The following SCARB1 variants were observed in gnomAD, a reference collection of about 807,000 sequenced individuals.
SCARB1 encodes scavenger receptor class B member 1.
SCARB1 carries 30 observed loss-of-function variants against 57.2 expected under a neutral mutation model. The observed-to-expected ratio is 0.52, with a 90% CI of 0.39 to 0.71. The LOEUF (loss-of-function observed/expected upper bound fraction) is 0.71. Ranked by LOEUF, SCARB1 falls within the 30% of genes least tolerant of loss-of-function variation. The pLI is 0.00. For missense variants in SCARB1, 543 were observed against 671.2 expected (o/e 0.81, Z 2.11); for synonymous variants, 249 against 268.3 (o/e 0.93, Z 0.70).
chr12:124,840,430 C>A (rs967559542), intron 1 of SCARB1, among the ~76,000 whole-genome samples: 1 of 152,190 alleles, frequency 6.6e-6, no homozygotes, highest in African/African-American at 2.4e-5. Context: ...CCCACCTTGG[C>A]CTCCCAAAGT....
chr12:124,817,567 G>C lies in SCARB1; in HGVS notation c.267C>G (p.Arg89=). 1 of 1,614,016 alleles carries C rather than the reference G, an allele frequency of 6.2e-7. No homozygotes were observed. The highest frequency in any genetic ancestry group is 8.5e-7 in the Non-Finnish European group (1 of 1,180,010). The change falls in exon 2 of 13, where the codon CGC becomes CGG. Residue 89 remains arginine, a synonymous_variant. Transcript: ENST00000261693. This position sits in a 1 kb window ranked among gnomAD's most constrained non-coding sequence, Gnocchi z 4.8. ...LKGEKPQVRE[R]GPYVYREFRH... ...AGCCTCACCTGTACACGTAGGGCCC[G>C]CGCTCCCGCACCTGCGGCTTCTCGC...
At chr12:124,790,772 G>A (rs76515751) in intron 9 of SCARB1, among the ~76,000 whole-genome samples, 5,177 of 152,262 alleles carry the variant, frequency 0.034, 291 homozygotes, top group African/African-American at 0.12. Flanking sequence ...ACACTCAAGC[G>A]TCGCTGCCTG....
chr12:124,794,400 CTTTT>C (rs3043265), intron 9 of SCARB1, among the ~76,000 whole-genome samples: 3 of 119,908 alleles, frequency 2.5e-5, no homozygotes, highest in Admixed American at 1.9e-4. Context: ...TTGAAAAATT[CTTTT>C]TTTTTTTTTT....
intron 1 of SCARB1, among the ~76,000 whole-genome samples, chr12:124,846,468 T>C (rs1027402249): frequency 6.6e-6 from 1 of 151,900 alleles, no homozygotes; most frequent in African/African-American, 2.4e-5. Flanking sequence ...ACAGATGAAC[T>C]GGCCGGGCGT....
At position 124,853,390 on chromosome 12, in the gene SCARB1, G is replaced by GT. The variant is rs757246980; in HGVS notation, c.126+10204dup. On this transcript the variant is annotated intron_variant, in intron 1 of 12. Coordinates refer to ENST00000261693, the MANE Select transcript of SCARB1 (RefSeq NM_005505.5). ...GAAATGATCCAGTTTGCATAGTTTT[G>GT]TTTTTTTTTTTTTTTTTTTTGGGAG... is the stretch of plus-strand genomic sequence containing the variant. Among the ~76,000 whole-genome samples, 371 of 122,514 alleles carry GT rather than the reference G, an allele frequency of 3.0e-3. 1 individual carries two copies. The highest frequency in any genetic ancestry group is 5.7e-3 in the East Asian group (23 of 4,066). 80.4% of individuals were successfully genotyped at this position (122,514 alleles called of 152,430 possible).
At chr12:124,803,045 C>T in intron 7 of SCARB1, among the ~76,000 whole-genome samples, 1 of 152,224 alleles carries the variant, frequency 6.6e-6, no homozygotes, top group Non-Finnish European at 1.5e-5. Context: ...AGAGGAGGGG[C>T]TGCTACCACC....
At chr12:124,862,748 TC>T (rs1952950180) in intron 1 of SCARB1, among the ~76,000 whole-genome samples, 1 of 133,756 alleles carries the variant, frequency 7.5e-6, no homozygotes, top group Non-Finnish European at 1.7e-5. Flanking sequence ...CTCTGCAATC[TC>T]CCAGCCCTTC....
intron 1 of SCARB1, among the ~76,000 whole-genome samples, chr12:124,842,238 C>T (rs1019303473): frequency 3.9e-5 from 6 of 152,254 alleles, no homozygotes; most frequent in African/African-American, 1.4e-4. Flanking sequence ...GCCAGTGCTG[C>T]CTCTGGCCCA....
intron 9 of SCARB1, among the ~76,000 whole-genome samples, chr12:124,787,925 A>T (rs1283599399): frequency 2.0e-5 from 3 of 152,212 alleles, no homozygotes; most frequent in South Asian, 2.1e-4. Flanking sequence ...CCATGTTCAC[A>T]TAACTTTTAT....
At chr12:124,857,422 C>T (rs1020632423) in intron 1 of SCARB1, among the ~76,000 whole-genome samples, 6 of 152,208 alleles carry the variant, frequency 3.9e-5, no homozygotes, top group East Asian at 3.9e-4. Context: ...CAGGGACAGC[C>T]GGTGACATCC....
At chr12:124,811,526 G>A (rs367610838) in intron 5 of SCARB1, among the ~76,000 whole-genome samples, 3 of 152,084 alleles carry the variant, frequency 2.0e-5, no homozygotes, top group East Asian at 1.9e-4. Context: ...CCCCCACCTC[G>A]GCCTCCCAAA....
At chr12:124,858,874 G>A (rs187598336) in intron 1 of SCARB1, among the ~76,000 whole-genome samples, 140 of 149,004 alleles carry the variant, frequency 9.4e-4, no homozygotes, top group African/African-American at 3.4e-3. Flanking sequence ...GCCAGACTCC[G>A]TCTCAAAAAA....
chr12:124,782,357 T>C (rs562761093), intron 12 of SCARB1, among the ~76,000 whole-genome samples: 1 of 152,332 alleles, frequency 6.6e-6, no homozygotes, highest in South Asian at 2.1e-4. Flanking sequence ...TCTAGCAGAC[T>C]TCCCCAGGGG....
Position 124,786,479 on chromosome 12 carries a change from G to C in SCARB1, c.1279C>G (p.Leu427Val). The C allele has an allele frequency of 6.2e-7, 1 of 1,614,076 alleles. No homozygotes were observed. The change falls in exon 11 of 13, where the codon CTT (leucine) becomes GTT (valine). Residue 427 changes from leucine (L) to valine (V), a missense_variant. Coordinates refer to ENST00000261693, the MANE Select transcript of SCARB1 (RefSeq NM_005505.5). ...ACCAGCTGAGTGTAGAATGTGTGAA[G>C]AGTCTCCCCCTCCATGGCCCCGCTC... ...AESGAMEGET[L>V]HTFYTQLVLM... is the part of the protein sequence containing the mutation.
chr12:124,818,512 G>T (rs1307177821), intron 1 of SCARB1, among the ~76,000 whole-genome samples: 2 of 152,168 alleles, frequency 1.3e-5, no homozygotes, highest in African/African-American at 4.8e-5. Context: ...TGTTGCCCAG[G>T]CTGGAGTGCA....
intron 1 of SCARB1, among the ~76,000 whole-genome samples, chr12:124,854,883 G>T (rs1952569077): frequency 6.6e-6 from 1 of 152,074 alleles, no homozygotes; most frequent in East Asian, 1.9e-4. Flanking sequence ...CTCGGGGGTG[G>T]GGTTCAGGGG....
At chr12:124,863,557 G>T in intron 1 of SCARB1, 38 bp downstream of exon 1, 1 of 1,590,454 alleles carries the variant, frequency 6.3e-7, no homozygotes, top group South Asian at 1.1e-5. Flanking sequence ...CAACAGCCCG[G>T]GTCCGTGCGC....
chr12:124,851,390 A>G (rs916586706), intron 1 of SCARB1, among the ~76,000 whole-genome samples: 1 of 152,072 alleles, frequency 6.6e-6, no homozygotes, highest in Non-Finnish European at 1.5e-5. Flanking sequence ...CTCACTCCCT[A>G]CATTGACACT....
intron 6 of SCARB1, among the ~76,000 whole-genome samples, 175 bp from the exon 7 acceptor site, chr12:124,808,102 C>T (rs373593552): frequency 2.4e-4 from 36 of 152,260 alleles, no homozygotes; most frequent in East Asian, 1.9e-3. Context: ...CAGGCCTCTC[C>T]GCTCCGACTC....
Sources: allele counts gnomAD v4.1 joint callset (sites outside exome capture counted in the v4.1 genomes callset), GRCh38; gene constraint gnomAD v4.1.1; non-coding constraint Gnocchi (gnomAD v3.1); transcripts MANE v1.5; gene names NCBI Gene and HGNC (gene_info 2026-07-23, HGNC 2026-07-21).